TAS2R1: variants seen among roughly 807,000 people sequenced by gnomAD.
TAS2R1 encodes taste 2 receptor member 1.
For synonymous variants in TAS2R1, 141 were observed against 134.2 expected, an observed-to-expected ratio of 1.05 and a Z score of -0.35; for missense variants, 370 against 353.4, an observed-to-expected ratio of 1.05 and a Z score of -0.38.
At chr5:9,801,329 T>C in the TAS2R1 span, among the ~76,000 whole-genome samples, 4 of 152,238 alleles carry the variant, frequency 2.6e-5, no homozygotes, top group Non-Finnish European at 5.9e-5. Flanking sequence ...AATCAATGCC[T>C]GTTCTTTAAG....
intron 1 of TAS2R1, among the ~76,000 whole-genome samples, chr5:9,696,970 G>A (rs897238184): frequency 1.3e-5 from 2 of 152,038 alleles, no homozygotes; most frequent in Admixed American, 6.6e-5. Context: ...GCTAGATCAC[G>A]CCATTGCACT....
At chr5:9,800,490 T>G in the TAS2R1 span, among the ~76,000 whole-genome samples, 3 of 152,096 alleles carry the variant, frequency 2.0e-5, no homozygotes, top group Non-Finnish European at 2.9e-5. Flanking sequence ...AGTGAAGAGC[T>G]AAGGAAGGGC....
chr5:9,689,101 C>T (rs528127690), intron 1 of TAS2R1, among the ~76,000 whole-genome samples: 1 of 152,268 alleles, frequency 6.6e-6, no homozygotes, highest in East Asian at 1.9e-4. Context: ...TGGAGGACCT[C>T]GATTCTTGCC....
the TAS2R1 span, among the ~76,000 whole-genome samples, chr5:9,864,691 A>G: frequency 6.7e-5 from 10 of 150,220 alleles, no homozygotes; most frequent in African/African-American, 2.4e-4. Flanking sequence ...ATATGATGAT[A>G]GAGTGCTCTA....
chr5:9,811,120 C>T, the TAS2R1 span, among the ~76,000 whole-genome samples: 1 of 152,108 alleles, frequency 6.6e-6, no homozygotes, highest in African/African-American at 2.4e-5. Flanking sequence ...AGAGTAACGT[C>T]CTCATAAACA....
the TAS2R1 span, among the ~76,000 whole-genome samples, chr5:9,725,737 C>A: frequency 7.2e-6 from 1 of 139,072 alleles, no homozygotes; most frequent in Non-Finnish European, 1.5e-5. Context: ...GACTGGCAGG[C>A]AGCTCCACCT....
At chr5:9,817,423 C>T in the TAS2R1 span, among the ~76,000 whole-genome samples, 1 of 152,146 alleles carries the variant, frequency 6.6e-6, no homozygotes, top group Admixed American at 6.5e-5. Context: ...TTTGATTGCA[C>T]AGTAAGAACT....
At chr5:9,694,536 T>C (rs150389575) in intron 1 of TAS2R1, among the ~76,000 whole-genome samples, 434 of 152,356 alleles carry the variant, frequency 2.8e-3, no homozygotes, top group Admixed American at 2.9e-3. Context: ...TTGAAGTATA[T>C]TTCCTCCTTT....
the TAS2R1 span, among the ~76,000 whole-genome samples, chr5:9,786,692 GC>G: frequency 3.3e-5 from 5 of 152,176 alleles, no homozygotes; most frequent in Non-Finnish European, 5.9e-5. Context: ...GAGACCCACA[GC>G]CCTAGGAGAT....
the TAS2R1 span, among the ~76,000 whole-genome samples, chr5:9,799,142 T>C: frequency 6.6e-6 from 1 of 152,164 alleles, no homozygotes; most frequent in African/African-American, 2.4e-5. Flanking sequence ...TGTCACTAGG[T>C]GGGAAGAAAA....
chr5:9,663,180 C>T lies in TAS2R1; in HGVS notation c.-241-3599G>A, dbSNP rs145885516. Among the ~76,000 whole-genome samples, 712 of 151,970 alleles carry T rather than the reference C, an allele frequency of 4.7e-3. 2 individuals carry two copies. Among genetic ancestry groups the T allele is most frequent in the African/African-American group, 0.016 (682 of 41,494 alleles). ...AATTGGAAATTAGCTTAATCTCATGCAAACTGCAAAAAAAGATGATTCTAC... is the reference window on the plus strand; with the variant it reads ...AATTGGAAATTAGCTTAATCTCATGTAAACTGCAAAAAAAGATGATTCTAC... On this transcript the variant is annotated intron_variant, in intron 1 of 2. Coordinates refer to the TAS2R1 transcript ENST00000506620.
chr5:9,750,788 C>G, the TAS2R1 span, among the ~76,000 whole-genome samples: 1 of 152,056 alleles, frequency 6.6e-6, no homozygotes, highest in Admixed American at 6.6e-5. Flanking sequence ...TGTTTCCTCT[C>G]AGGTTAAAGA....
At chr5:9,875,753 G>A in the TAS2R1 span, among the ~76,000 whole-genome samples, 1 of 152,152 alleles carries the variant, frequency 6.6e-6, no homozygotes, top group Non-Finnish European at 1.5e-5. Context: ...AAAGTGAGCA[G>A]CATCTCCCTC....
intron 2 of TAS2R1, among the ~76,000 whole-genome samples, chr5:9,648,081 T>C (rs924550158): frequency 6.6e-6 from 1 of 152,148 alleles, no homozygotes; most frequent in Non-Finnish European, 1.5e-5. Context: ...TTGTCAGCTA[T>C]ATTCAAAATG....
intron 2 of TAS2R1, among the ~76,000 whole-genome samples, chr5:9,645,804 C>T (rs1009258273): frequency 6.6e-6 from 1 of 152,100 alleles, no homozygotes; most frequent in African/African-American, 2.4e-5. Context: ...GAATGGATTC[C>T]ATCCAGAGGA....
the TAS2R1 span, among the ~76,000 whole-genome samples, chr5:9,815,650 T>C: frequency 3.3e-5 from 5 of 151,536 alleles, no homozygotes; most frequent in East Asian, 7.8e-4. Flanking sequence ...CTCAAGTCTG[T>C]ATTGTACATT....
At chr5:9,746,047 C>T in the TAS2R1 span, among the ~76,000 whole-genome samples, 1 of 152,022 alleles carries the variant, frequency 6.6e-6, no homozygotes, top group African/African-American at 2.4e-5. Context: ...CCAGAATCTA[C>T]AAGGAACTTA....
At chr5:9,642,713 T>G (rs1263452560) in intron 2 of TAS2R1, among the ~76,000 whole-genome samples, 1 of 152,196 alleles carries the variant, frequency 6.6e-6, no homozygotes, top group East Asian at 1.9e-4. Context: ...GTATTTGCAA[T>G]GCAGCAAATA....
intron 1 of TAS2R1, among the ~76,000 whole-genome samples, chr5:9,702,033 T>C (rs781278828): frequency 6.6e-6 from 1 of 152,208 alleles, no homozygotes; most frequent in Non-Finnish European, 1.5e-5. Context: ...TAGGACGATG[T>C]TGAGCATGAA....
Sources: allele counts gnomAD v4.1 joint callset (sites outside exome capture counted in the v4.1 genomes callset), GRCh38; gene constraint gnomAD v4.1.1; transcripts MANE v1.5; gene names NCBI Gene and HGNC (gene_info 2026-07-23, HGNC 2026-07-21).